Variants in CHM observed in about 807,000 individuals in gnomAD.
CHM encodes CHM Rab escort protein, also known as rab proteins geranylgeranyltransferase component A 1.
Under a neutral mutation model 49.0 loss-of-function variants are expected in CHM, and 10 were observed. The observed-to-expected ratio is 0.20, with a 90% CI of 0.13 to 0.35. CHM has a LOEUF of 0.35. Ranked by LOEUF, CHM falls within the 10% of genes least tolerant of loss-of-function variation. The probability of loss-of-function intolerance (pLI) is 1.00; values close to 1 mark genes in which losing one functional copy is unlikely to be tolerated. For synonymous variants in CHM, 184 were observed against 167.5 expected (o/e 1.10, Z -0.76); for missense variants, 455 against 478.4 (o/e 0.95, Z 0.46).
intron 1 of CHM, among the ~76,000 whole-genome samples, chrX:86,030,148 C>T (rs1369601827): frequency 1.8e-5 from 2 of 112,181 alleles, no homozygotes; most frequent in Non-Finnish European, 3.8e-5. Context: ...AGTCAAATCT[C>T]TGCTATTAAA....
chrX:86,000,521 A>G (rs946146938), intron 2 of CHM, among the ~76,000 whole-genome samples: 2 of 107,797 alleles, frequency 1.9e-5, no homozygotes, highest in Non-Finnish European at 3.9e-5. Context: ...TTCAAAAAAA[A>G]AAAAAAAAAA....
At chrX:85,976,757 T>A (rs1931285163) in intron 4 of CHM, among the ~76,000 whole-genome samples, 1 of 110,637 alleles carries the variant, frequency 9.0e-6, no homozygotes, top group Admixed American at 9.7e-5. Context: ...CAGTATCACA[T>A]AGCAAGTCAA....
At chrX:85,999,036 A>C (rs1932577725) in intron 2 of CHM, among the ~76,000 whole-genome samples, 1 of 111,299 alleles carries the variant, frequency 9.0e-6, no homozygotes, top group Non-Finnish European at 1.9e-5. Context: ...AGAGACAAAG[A>C]TAATTGGTCA....
Position 85,981,719 on chromosome X carries a change from G to A in CHM, c.189+18C>T. ...ACAATAAAACAAAGCAAATTAAAAGGTCAGATACAAACTTTACCTGGTATT... is the reference window on the plus strand; with the variant it reads ...ACAATAAAACAAAGCAAATTAAAAGATCAGATACAAACTTTACCTGGTATT... On this transcript the variant is annotated intron_variant, in intron 3 of 14. Transcript: ENST00000357749. The A allele has an allele frequency of 8.8e-7, 1 of 1,138,138 alleles. No homozygotes were observed. Among genetic ancestry groups the A allele is most frequent in the African/African-American group, 1.8e-5 (1 of 55,648 alleles). The allele number at this position is 1,138,138 out of a possible 1,213,427, so 93.8% of individuals were successfully genotyped here.
rs367902196 is a variant in CHM, at chrX:85,958,880, C to T, written c.800G>A (p.Arg267Gln). The change falls in exon 6 of 15, where the codon CGA (arginine) becomes CAA (glutamine). Residue 267 changes from arginine (R) to glutamine (Q), a missense_variant. Physicochemically the swap from Arg to Gln is conservative, Grantham distance 43. Transcript: ENST00000357749. ...CAGTACCTGTTCCACTCGTCCTTCT[C>T]GAAATGCAAGAATCCTGGTAATATT... ...FKNITRILAFREGRVEQVPCS... is the reference protein window; with the variant it reads ...FKNITRILAFQEGRVEQVPCS... The T allele has an allele frequency of 6.6e-6, 8 of 1,210,941 alleles. No individual in the cohort carries two copies. Among genetic ancestry groups the T allele is most frequent in the Admixed American group, 4.4e-5 (2 of 45,970 alleles).
intron 2 of CHM, among the ~76,000 whole-genome samples, chrX:86,011,515 A>G (rs1467260603): frequency 8.9e-6 from 1 of 111,834 alleles, no homozygotes; most frequent in Non-Finnish European, 1.9e-5. Context: ...AAGTAAATAT[A>G]GTGCTCTAAT....
At chrX:86,018,099 T>C (rs1444016071) in intron 2 of CHM, among the ~76,000 whole-genome samples, 2 of 112,021 alleles carry the variant, frequency 1.8e-5, no homozygotes, top group African/African-American at 6.5e-5. Context: ...TCTCTGACAA[T>C]AGTGTAATTA....
chrX:85,899,776 C>T (rs1394876486), intron 11 of CHM, among the ~76,000 whole-genome samples: 1 of 102,419 alleles, frequency 9.8e-6, no homozygotes, highest in Non-Finnish European at 2.0e-5. Context: ...TAGCTTAATA[C>T]GCTGTATTTT....
At chrX:85,966,330 C>A (rs1177803679) in intron 4 of CHM, among the ~76,000 whole-genome samples, 1 of 90,913 alleles carries the variant, frequency 1.1e-5, no homozygotes, top group Non-Finnish European at 2.1e-5. Context: ...GCCTGGGCAA[C>A]AAGAGCAAAA....
intron 8 of CHM, among the ~76,000 whole-genome samples, chrX:85,934,829 T>G (rs978845836): frequency 3.6e-5 from 4 of 111,177 alleles, no homozygotes; most frequent in African/African-American, 9.8e-5. Context: ...GTAGGTATAA[T>G]AAGAAGGTAA....
intron 2 of CHM, among the ~76,000 whole-genome samples, chrX:86,013,404 C>T (rs1018578133): frequency 6.3e-5 from 7 of 111,199 alleles, no homozygotes; most frequent in African/African-American, 2.3e-4. Context: ...AAAAATCCTG[C>T]GTCACTATAA....
intron 11 of CHM, among the ~76,000 whole-genome samples, chrX:85,895,284 C>A (rs372071289): frequency 1.7e-4 from 18 of 104,677 alleles, no homozygotes; most frequent in African/African-American, 6.3e-4. Context: ...TACAGGCATG[C>A]ATTACTACAC....
At chrX:86,033,573 T>C (rs1341339297) in intron 1 of CHM, among the ~76,000 whole-genome samples, 1 of 112,240 alleles carries the variant, frequency 8.9e-6, no homozygotes, top group African/African-American at 3.2e-5. Flanking sequence ...TGAAACTACA[T>C]ACTTAATTCA....
At chrX:86,041,307 G>A (rs1934447142) in intron 1 of CHM, among the ~76,000 whole-genome samples, 1 of 111,352 alleles carries the variant, frequency 9.0e-6, no homozygotes, top group Non-Finnish European at 1.9e-5. Flanking sequence ...TCCAGAGTTA[G>A]ATAACTCTTT....
At chrX:85,976,405 G>A (rs62608941) in intron 4 of CHM, among the ~76,000 whole-genome samples, 19,018 of 110,777 alleles carry the variant, frequency 0.17, 1,562 homozygotes, top group Non-Finnish European at 0.25. Flanking sequence ...GGTGGATCAC[G>A]AGGTCAGGAG....
At chrX:85,968,753 T>A (rs780930965) in intron 4 of CHM, among the ~76,000 whole-genome samples, 1 of 112,191 alleles carries the variant, frequency 8.9e-6, no homozygotes, top group South Asian at 3.7e-4. Context: ...ATCTTGTAAC[T>A]CCAAATGGAA....
At chrX:85,933,558 A>T (rs1928559382) in intron 8 of CHM, among the ~76,000 whole-genome samples, 1 of 112,243 alleles carries the variant, frequency 8.9e-6, no homozygotes. Flanking sequence ...GTTAAAACAC[A>T]AAGTTAGGAT....
intron 4 of CHM, among the ~76,000 whole-genome samples, chrX:85,964,344 T>C (rs1224658860): frequency 9.0e-6 from 1 of 110,622 alleles, no homozygotes; most frequent in Non-Finnish European, 1.9e-5. Context: ...CCTGACCATA[T>C]GACTAGTAAG....
intron 12 of CHM, among the ~76,000 whole-genome samples, chrX:85,885,249 C>T (rs944445944): frequency 3.6e-5 from 4 of 109,750 alleles, no homozygotes; most frequent in Non-Finnish European, 5.7e-5. Flanking sequence ...ATTTAAACTT[C>T]CTCATCTGCT....
Sources: allele counts gnomAD v4.1 joint callset (sites outside exome capture counted in the v4.1 genomes callset), GRCh38; gene constraint gnomAD v4.1.1; transcripts MANE v1.5; gene names NCBI Gene and HGNC (gene_info 2026-07-23, HGNC 2026-07-21).